CLASP2: variants seen among roughly 807,000 people sequenced by gnomAD.
The protein encoded by CLASP2 is cytoplasmic linker associated protein 2, also known as CLIP-associating protein 2.
A neutral mutation model predicts 194.4 loss-of-function variants in CLASP2; 47 were observed. That is an observed-to-expected ratio of 0.24 (90% CI 0.19 to 0.31). The LOEUF is 0.31. Among genes scored for constraint, CLASP2 ranks in the 10% least tolerant of loss-of-function variants. The pLI is 1.00. For missense variants in CLASP2, 1,445 were observed against 1,823.6 expected, an observed-to-expected ratio of 0.79 and a Z score of 3.78; for synonymous variants, 619 against 633.5, an observed-to-expected ratio of 0.98 and a Z score of 0.34.
At chr3:33,632,004 T>A (rs1193037768) in intron 9 of CLASP2, among the ~76,000 whole-genome samples, 2 of 152,198 alleles carry the variant, frequency 1.3e-5, no homozygotes, top group Admixed American at 6.5e-5. Flanking sequence ...TCCAAACTTC[T>A]ATCATCAACT....
At chr3:33,613,286 G>A (rs1338036997) in intron 12 of CLASP2, among the ~76,000 whole-genome samples, 1 of 152,160 alleles carries the variant, frequency 6.6e-6, no homozygotes, top group Non-Finnish European at 1.5e-5. Context: ...AAACCATTAC[G>A]AAGCTCTAAA....
chr3:33,543,464 TAGG>T lies in CLASP2; in HGVS notation c.3370_3372del (p.Pro1124del). ...GATAAAGTATTCTGTGATGTATTGG[TAGG>T]AGAAGTAAGAGGACTGGACCAGTTA... On this transcript the variant is annotated inframe_deletion, in exon 32 of 39. Transcript: ENST00000682230. 1.2e-6 allele frequency: 2 copies of T among 1,610,264 alleles called. No individual in the cohort carries two copies. Among genetic ancestry groups the T allele is most frequent in the Non-Finnish European group, 1.7e-6 (2 of 1,176,480 alleles).
Position 33,538,929 on chromosome 3 carries a change from C to T in CLASP2, c.3418G>A (p.Asp1140Asn), listed in dbSNP as rs1268746231. 1.3e-6 allele frequency: 2 copies of T among 1,572,302 alleles called. No homozygotes were observed. Among genetic ancestry groups the T allele is most frequent in the Non-Finnish European group, 1.7e-6 (2 of 1,163,232 alleles). Residue 1140 changes from aspartate (D) to asparagine (N), a missense_variant, in exon 33 of 39, where the codon GAC becomes AAC. Physicochemically the swap from Asp to Asn is conservative, Grantham distance 23 (BLOSUM62 1). Transcript: ENST00000682230. ...TCTTCAGAGTTCATATTTTCTGTGT[C>T]ATAATCAAATGCACTATGAAAAAGA... is the stretch of plus-strand genomic sequence containing the variant. ...NTLSPSAFDY[D>N]TENMNSEDIY...
intron 30 of CLASP2, among the ~76,000 whole-genome samples, chr3:33,549,890 C>T (rs547959003): frequency 3.1e-4 from 47 of 151,980 alleles, no homozygotes; most frequent in Non-Finnish European, 5.6e-4. Flanking sequence ...AGGTGCATGC[C>T]AATGCACCCA....
intron 1 of CLASP2, among the ~76,000 whole-genome samples, chr3:33,708,393 G>C (rs909014078): frequency 3.4e-5 from 5 of 148,562 alleles, no homozygotes; most frequent in East Asian, 2.0e-4. Context: ...CATCCATGTT[G>C]TCACAAATGG....
At chr3:33,614,715 G>A (rs1235784729) in intron 12 of CLASP2, among the ~76,000 whole-genome samples, 1 of 152,146 alleles carries the variant, frequency 6.6e-6, no homozygotes, top group Non-Finnish European at 1.5e-5. Context: ...CACTTTGGAA[G>A]GCCAAGGCAG....
Position 33,560,790 on chromosome 3 carries a change from A to G in CLASP2, c.2930+18T>C. 6.2e-7 allele frequency: 1 copy of G among 1,607,750 alleles called. No homozygotes were observed. Among genetic ancestry groups the G allele is most frequent in the South Asian group, 1.1e-5 (1 of 90,374 alleles). On this transcript the variant is annotated intron_variant, in intron 28 of 38. Transcript: ENST00000682230. ...AGTTATTATCAGGTTAACTTGAAAT[A>G]TATGAAAAAAATATTACCTTGTAAC...
chr3:33,583,890 A>G (rs1461167689), intron 22 of CLASP2, among the ~76,000 whole-genome samples: 2 of 152,224 alleles, frequency 1.3e-5, no homozygotes, highest in Non-Finnish European at 2.9e-5. Context: ...CATGGTTGAT[A>G]AAGCAGAAAA....
intron 1 of CLASP2, among the ~76,000 whole-genome samples, chr3:33,715,195 A>C (rs1398998756): frequency 1.3e-5 from 2 of 152,310 alleles, no homozygotes; most frequent in Non-Finnish European, 2.9e-5. Flanking sequence ...AGAGTCTCAT[A>C]ATCATTTCAT....
chr3:33,625,668 G>A (rs1177654532), intron 10 of CLASP2, among the ~76,000 whole-genome samples: 2 of 151,260 alleles, frequency 1.3e-5, no homozygotes, highest in Non-Finnish European at 2.9e-5. Flanking sequence ...CTAAAATGAA[G>A]TTTGTTTTTT....
intron 1 of CLASP2, among the ~76,000 whole-genome samples, chr3:33,702,600 GA>G (rs2092447535): frequency 6.6e-6 from 1 of 151,946 alleles, no homozygotes; most frequent in African/African-American, 2.4e-5. Flanking sequence ...AAAAGAATTA[GA>G]GTTTATCAAA....
chr3:33,569,341 G>A (rs1232973852), intron 26 of CLASP2, among the ~76,000 whole-genome samples: 2 of 152,176 alleles, frequency 1.3e-5, no homozygotes, highest in Non-Finnish European at 2.9e-5. Context: ...GTGACTTCAA[G>A]AAATAATCTA....
intron 1 of CLASP2, among the ~76,000 whole-genome samples, chr3:33,712,541 G>A (rs1426236485): frequency 1.3e-5 from 2 of 152,052 alleles, no homozygotes; most frequent in Non-Finnish European, 2.9e-5. Flanking sequence ...TGGATGTAAG[G>A]ATATGATTAA....
chr3:33,514,036 G>A (rs1352390399), intron 36 of CLASP2, among the ~76,000 whole-genome samples: 2 of 152,130 alleles, frequency 1.3e-5, no homozygotes, highest in African/African-American at 4.8e-5. Context: ...CACCCAGACT[G>A]GAATTCAGTG....
At chr3:33,706,733 G>A (rs761904713) in intron 1 of CLASP2, among the ~76,000 whole-genome samples, 3 of 152,104 alleles carry the variant, frequency 2.0e-5, no homozygotes, top group Non-Finnish European at 2.9e-5. Context: ...ATGCCAAGAC[G>A]GGAGGAATGC....
chr3:33,548,964 G>A (rs2059587681), intron 30 of CLASP2, among the ~76,000 whole-genome samples: 2 of 151,492 alleles, frequency 1.3e-5, no homozygotes, highest in African/African-American at 2.4e-5. Flanking sequence ...GCATAGATGA[G>A]GTCTTGTCAT....
chr3:33,583,044 G>A (rs1030593580), intron 22 of CLASP2, among the ~76,000 whole-genome samples: 3 of 152,120 alleles, frequency 2.0e-5, no homozygotes, highest in African/African-American at 7.2e-5. Flanking sequence ...GAATGTGTAC[G>A]AGCAAAGCAA....
intron 21 of CLASP2, among the ~76,000 whole-genome samples, chr3:33,587,533 T>C (rs2067688665): frequency 6.6e-6 from 1 of 152,198 alleles, no homozygotes; most frequent in Non-Finnish European, 1.5e-5. Flanking sequence ...TTATTTCCTA[T>C]TAGTGATAAC....
chr3:33,667,897 GA>G (rs1484852707), intron 6 of CLASP2, among the ~76,000 whole-genome samples: 3 of 152,038 alleles, frequency 2.0e-5, no homozygotes, highest in African/African-American at 7.2e-5. Context: ...ATATTTGATA[GA>G]AAAAAATTGT....
Sources: allele counts gnomAD v4.1 joint callset (sites outside exome capture counted in the v4.1 genomes callset), GRCh38; gene constraint gnomAD v4.1.1; transcripts MANE v1.5; gene names NCBI Gene and HGNC (gene_info 2026-07-23, HGNC 2026-07-21).